Variants in COPS4 observed in about 807,000 individuals in gnomAD.
COPS4 encodes the protein COP9 signalosome complex subunit 4.
In COPS4, 8 loss-of-function variants were observed where a neutral mutation model predicts 55.1. The observed-to-expected ratio is 0.15, with a 90% CI of 0.09 to 0.26. The LOEUF is 0.26. Among genes scored for constraint, COPS4 ranks in the 10% least tolerant of loss-of-function variants. COPS4 has a pLI of 1.00. For missense variants in COPS4, 248 were observed against 484.0 expected (o/e 0.51, Z 4.58); for synonymous variants, 185 against 165.7 (o/e 1.12, Z -0.90).
chr4:83,059,689 G>GTT (rs575670269), intron 6 of COPS4, among the ~76,000 whole-genome samples: 9 of 142,324 alleles, frequency 6.3e-5, no homozygotes, highest in African/African-American at 1.5e-4. Context: ...TCTTCTTTTT[G>GTT]TTTTTTTTTT....
chr4:83,063,871 G>A (rs1269148737), intron 7 of COPS4, among the ~76,000 whole-genome samples: 5 of 151,664 alleles, frequency 3.3e-5, no homozygotes, highest in African/African-American at 7.3e-5. Flanking sequence ...CACCACGCCC[G>A]GCTAATTTTG....
At chr4:83,058,808 G>A (rs1560440620) in intron 6 of COPS4, among the ~76,000 whole-genome samples, 1 of 152,110 alleles carries the variant, frequency 6.6e-6, no homozygotes, top group East Asian at 1.9e-4. Context: ...TAGTGATTAT[G>A]CACATGTATG....
chr4:83,069,897 GT>G (rs1731377706), intron 9 of COPS4, among the ~76,000 whole-genome samples: 1 of 151,912 alleles, frequency 6.6e-6, no homozygotes, highest in Non-Finnish European at 1.5e-5. Flanking sequence ...AAAAACACTG[GT>G]TTAGGAACCT....
At chr4:83,059,317 A>C (rs1333149962) in intron 6 of COPS4, among the ~76,000 whole-genome samples, 1 of 152,090 alleles carries the variant, frequency 6.6e-6, no homozygotes, top group African/African-American at 2.4e-5. Context: ...TGCTTAGACA[A>C]GTCTTCCCTA....
Position 83,066,419 on chromosome 4 carries a change from T to C in COPS4, c.887-19T>C. ...ATAAAACTAGTTTCAAACTTGTAAC[T>C]GTCTTATTTATGTTTAAGGTTCCAG... On this transcript the variant is annotated intron_variant, in intron 7 of 9. Coordinates refer to ENST00000264389, the MANE Select transcript of COPS4 (RefSeq NM_016129.3). 1 of 1,293,832 alleles carries C rather than the reference T, an allele frequency of 7.7e-7. No homozygotes were observed. The highest frequency in any genetic ancestry group is 2.4e-5 in the East Asian group (1 of 41,240). 80.1% of individuals were successfully genotyped at this position (1,293,832 alleles called of 1,614,324 possible).
intron 4 of COPS4, among the ~76,000 whole-genome samples, chr4:83,056,218 C>T (rs2126131435): frequency 6.6e-6 from 1 of 152,210 alleles, no homozygotes; most frequent in South Asian, 2.1e-4. Context: ...AGGCATGAGC[C>T]ACCACGCCCG....
chr4:83,068,637 T>C (rs1433514196), intron 9 of COPS4, 115 bp downstream of exon 9: 14 of 668,134 alleles, frequency 2.1e-5, no homozygotes, highest in Non-Finnish European at 3.4e-5. Context: ...GGAATGAGCT[T>C]ATTTCCCAAA....
At chr4:83,066,268 T>C (rs1731290265) in intron 7 of COPS4, among the ~76,000 whole-genome samples, 170 bp from the exon 8 acceptor site, 1 of 152,260 alleles carries the variant, frequency 6.6e-6, no homozygotes, top group Non-Finnish European at 1.5e-5. Context: ...TATTTTTATT[T>C]AATTGTACAT....
intron 8 of COPS4, 32 bp downstream of exon 8, chr4:83,066,585 A>C (rs1731299173): frequency 9.7e-7 from 1 of 1,032,164 alleles, no homozygotes; most frequent in African/African-American, 1.6e-5. Flanking sequence ...ATTTAAAAAA[A>C]AGTTAAGAGA....
rs762275059 is a variant in COPS4 at position 83,035,240 on chromosome 4, C to A, written c.16C>A (p.Arg6=). 2 of 1,571,192 alleles carry A rather than the reference C, an allele frequency of 1.3e-6. No homozygotes were observed. The highest frequency in any genetic ancestry group is 8.7e-7 in the Non-Finnish European group (1 of 1,152,724). The change falls in exon 1 of 10, where the codon CGA becomes AGA. Residue 6 remains arginine, a synonymous_variant. Coordinates refer to ENST00000264389, the MANE Select transcript of COPS4 (RefSeq NM_016129.3). MAAAV[R]QDLAQLMNSS... ...TGGGAGAAAGATGGCGGCAGCCGTG[C>A]GACAGGATTTGGCCCAGCTCATGAA...
At chr4:83,074,498 T>A (rs1264098087) in intron 9 of COPS4, among the ~76,000 whole-genome samples, 1 of 150,510 alleles carries the variant, frequency 6.6e-6, no homozygotes, top group Non-Finnish European at 1.5e-5. Context: ...GTTTCACTCT[T>A]GTCGCCCAGG....
At chr4:83,066,407 C>A in intron 7 of COPS4, 31 bp from the exon 8 acceptor site, 2 of 1,181,976 alleles carry the variant, frequency 1.7e-6, no homozygotes, top group Admixed American at 2.3e-5. Context: ...AAACTAGTTT[C>A]AAACTTGTAA....
intron 1 of COPS4, among the ~76,000 whole-genome samples, chr4:83,038,110 C>A (rs958950623): frequency 6.6e-6 from 1 of 152,206 alleles, no homozygotes; most frequent in South Asian, 2.1e-4. Flanking sequence ...AGAGCCACAA[C>A]GGAGGATAGA....
At chr4:83,046,952 C>G (rs1328799429) in intron 2 of COPS4, among the ~76,000 whole-genome samples, 1 of 152,136 alleles carries the variant, frequency 6.6e-6, no homozygotes, top group Non-Finnish European at 1.5e-5. Flanking sequence ...CTGAGTAATA[C>G]CAGCTTGTAT....
chr4:83,059,327 A>G (rs1161776192), intron 6 of COPS4, among the ~76,000 whole-genome samples: 1 of 151,196 alleles, frequency 6.6e-6, no homozygotes, highest in Non-Finnish European at 1.5e-5. Flanking sequence ...AGTCTTCCCT[A>G]CTCTGAAATT....
intron 1 of COPS4, among the ~76,000 whole-genome samples, chr4:83,038,475 A>C (rs1257035194): frequency 1.3e-5 from 2 of 152,084 alleles, no homozygotes; most frequent in South Asian, 2.1e-4. Flanking sequence ...TATTTTCACA[A>C]AAAAAAATTG....
At chr4:83,075,214 G>A (rs1731543132) in intron 9 of COPS4, 83 bp from the exon 10 acceptor site, 1 of 1,297,694 alleles carries the variant, frequency 7.7e-7, no homozygotes, top group Admixed American at 2.2e-5. Flanking sequence ...GAATAGGCAT[G>A]TAAAAAGTAT....
intron 4 of COPS4, among the ~76,000 whole-genome samples, chr4:83,055,415 G>A (rs1302380786): frequency 6.6e-6 from 1 of 150,658 alleles, no homozygotes; most frequent in Non-Finnish European, 1.5e-5. Context: ...AAAAATACGT[G>A]GTGACTAGAT....
chr4:83,042,930 T>G (rs911859984), intron 1 of COPS4, among the ~76,000 whole-genome samples: 1 of 150,770 alleles, frequency 6.6e-6, no homozygotes, highest in Non-Finnish European at 1.5e-5. Context: ...TTTTTTTTTT[T>G]GTAGAGATGA....
Sources: gnomAD v4.1 joint callset for allele counts (sites outside exome capture counted in the v4.1 genomes callset) on GRCh38, gnomAD v4.1.1 for gene constraint, MANE v1.5 for transcripts, NCBI Gene and HGNC (gene_info 2026-07-23, HGNC 2026-07-21) for gene names.